CDH13: variants seen among roughly 807,000 people sequenced by gnomAD.
The protein encoded by CDH13 is cadherin-13.
In CDH13, 24 loss-of-function variants were observed where a neutral mutation model predicts 63.8. The observed-to-expected ratio is 0.38, with a 90% CI of 0.27 to 0.53. The LOEUF (loss-of-function observed/expected upper bound fraction) is 0.53, where lower values mean the gene tolerates loss of function less well. CDH13 is among the 20% of genes least tolerant of loss of function. The pLI is 0.85. For missense variants in CDH13, 1,049 were observed against 903.1 expected, an observed-to-expected ratio of 1.16 and a Z score of -2.07; for synonymous variants, 503 against 355.3, an observed-to-expected ratio of 1.42 and a Z score of -4.67.
At chr16:83,038,587 C>T (rs754327824) in intron 3 of CDH13, among the ~76,000 whole-genome samples, 27 of 152,280 alleles carry the variant, frequency 1.8e-4, no homozygotes, top group Admixed American at 3.3e-4. Flanking sequence ...TTTTCCCCAC[C>T]AAATCTGCTG....
At chr16:83,479,820 A>G (rs1164046245) in intron 6 of CDH13, among the ~76,000 whole-genome samples, 3 of 152,248 alleles carry the variant, frequency 2.0e-5, no homozygotes, top group Non-Finnish European at 4.4e-5. Flanking sequence ...AGATATTACA[A>G]TGGCTTGTGC....
chr16:82,750,138 T>C (rs1211896020), intron 1 of CDH13, among the ~76,000 whole-genome samples: 1 of 152,164 alleles, frequency 6.6e-6, no homozygotes, highest in African/African-American at 2.4e-5. Context: ...GGGGTGCTTT[T>C]GGAGGTTAAC....
At chr16:83,285,757 C>T (rs1438972732) in intron 5 of CDH13, among the ~76,000 whole-genome samples, 1 of 151,908 alleles carries the variant, frequency 6.6e-6, no homozygotes, top group Non-Finnish European at 1.5e-5. Context: ...TCTGCGGGTA[C>T]CAAGGGACAA....
At chr16:83,545,549 CCCAGCCT>C (rs1362644937) in intron 7 of CDH13, among the ~76,000 whole-genome samples, 1 of 152,126 alleles carries the variant, frequency 6.6e-6, no homozygotes, top group African/African-American at 2.4e-5. Context: ...CACAACCTGC[CCCAGCCT>C]CCAGTCCATT....
intron 7 of CDH13, among the ~76,000 whole-genome samples, chr16:83,554,591 G>A (rs907889716): frequency 6.6e-6 from 1 of 152,058 alleles, no homozygotes; most frequent in African/African-American, 2.4e-5. Context: ...GAAGAGGGGA[G>A]TCTCACACTT....
chr16:83,412,378 C>G (rs2092140821), intron 6 of CDH13, among the ~76,000 whole-genome samples: 1 of 152,160 alleles, frequency 6.6e-6, no homozygotes, highest in South Asian at 2.1e-4. Flanking sequence ...AGGAGAATCG[C>G]TTGAACCTAG....
Position 83,103,223 on chromosome 16 carries a change from G to A in CDH13, c.367-22162G>A, listed in dbSNP as rs186861740. 1.2e-4 allele frequency among the ~76,000 whole-genome samples: 18 copies of A among 144,404 alleles called. No individual in the cohort carries two copies. The East Asian group carries it at 3.7e-3, about 30-fold the overall frequency. The allele number at this position is 144,404 out of a possible 152,430, so 94.7% of individuals were successfully genotyped here. A position where few individuals can be genotyped will look rare whatever the true frequency, so the allele number is the denominator to read the frequency against. On this transcript the variant is annotated intron_variant, in intron 3 of 13. Transcript: ENST00000567109. Reference sequence around the variant, plus strand: ...CCACCTCAACCTCCCAAAGTACTGAGATTACAGGCGTTAACTGAACTTTTT... The same window carrying A: ...CCACCTCAACCTCCCAAAGTACTGAAATTACAGGCGTTAACTGAACTTTTT...
intron 7 of CDH13, among the ~76,000 whole-genome samples, chr16:83,526,633 T>A (rs1162046620): frequency 3.9e-5 from 6 of 152,200 alleles, no homozygotes; most frequent in African/African-American, 1.2e-4. Context: ...ACAGACTAGT[T>A]CTGGTCCGTG....
intron 1 of CDH13, among the ~76,000 whole-genome samples, chr16:82,648,268 A>T (rs1488918869): frequency 1.3e-5 from 2 of 152,240 alleles, no homozygotes; most frequent in African/African-American, 4.8e-5. Flanking sequence ...AGAGGTAAAT[A>T]CAGGAAAATA....
chr16:83,157,642 C>T (rs2037263254), intron 4 of CDH13, among the ~76,000 whole-genome samples: 1 of 151,650 alleles, frequency 6.6e-6, no homozygotes, highest in South Asian at 2.1e-4. Context: ...CACCTGTCAT[C>T]CCAGCGCTTT....
At chr16:83,684,646 A>G (rs1726326408) in intron 10 of CDH13, among the ~76,000 whole-genome samples, 1 of 152,228 alleles carries the variant, frequency 6.6e-6, no homozygotes, top group Non-Finnish European at 1.5e-5. Context: ...ATAGTAAACA[A>G]TTCCACAGCA....
intron 5 of CDH13, among the ~76,000 whole-genome samples, chr16:83,276,085 C>G (rs2088978516): frequency 6.6e-6 from 1 of 152,168 alleles, no homozygotes; most frequent in East Asian, 1.9e-4. Context: ...CATAGCACAT[C>G]AGGATTGAAC....
intron 2 of CDH13, among the ~76,000 whole-genome samples, chr16:82,921,812 T>A (rs1597217711): frequency 6.6e-6 from 1 of 152,180 alleles, no homozygotes; most frequent in Non-Finnish European, 1.5e-5. Flanking sequence ...GGAGAGTTTG[T>A]AAAATACTGG....
At chr16:83,442,748 C>T (rs572979971) in intron 6 of CDH13, among the ~76,000 whole-genome samples, 35 of 152,138 alleles carry the variant, frequency 2.3e-4, no homozygotes, top group Admixed American at 1.2e-3. Context: ...AGAATGTTAC[C>T]TTAATACTCT....
intron 1 of CDH13, among the ~76,000 whole-genome samples, chr16:82,664,837 A>T (rs1305305301): frequency 2.0e-5 from 3 of 152,200 alleles, no homozygotes; most frequent in Non-Finnish European, 4.4e-5. Flanking sequence ...TTTGATACAG[A>T]TATTGGTTAA....
intron 7 of CDH13, among the ~76,000 whole-genome samples, chr16:83,601,421 T>G (rs192719286): frequency 6.6e-6 from 1 of 152,170 alleles, no homozygotes; most frequent in Non-Finnish European, 1.5e-5. Flanking sequence ...AAAACACTTA[T>G]GTGAAGAGAG....
At chr16:83,071,187 A>T (rs2032410795) in intron 3 of CDH13, among the ~76,000 whole-genome samples, 1 of 152,168 alleles carries the variant, frequency 6.6e-6, no homozygotes, top group African/African-American at 2.4e-5. Context: ...CAGAGACCTG[A>T]TTATACATGA....
Position 83,798,073 on chromosome 16 carries a change from G to C in CDH13, c.*3043G>C, listed in dbSNP as rs994751557. On this transcript the variant is annotated 3_prime_UTR_variant, in exon 14 of 14. Coordinates refer to ENST00000567109, the MANE Select transcript of CDH13 (RefSeq NM_001257.5). ...AGATTTCATGGTAGGTATCAAATAA[G>C]ACTTTGGCTCTTAAAGAACATCGTT... is the stretch of plus-strand genomic sequence containing the variant. 2 of 152,190 alleles carry C rather than the reference G, an allele frequency of 1.3e-5. No homozygotes were observed. The highest frequency in any genetic ancestry group is 2.9e-5 in the Non-Finnish European group (2 of 68,034). The allele number at this position is 152,190 out of a possible 1,614,324, so 9.4% of individuals were successfully genotyped here. A position where few individuals can be genotyped will look rare whatever the true frequency, so the allele number is the denominator to read the frequency against.
chr16:82,972,074 A>G (rs1345555246), intron 2 of CDH13, among the ~76,000 whole-genome samples: 6 of 152,230 alleles, frequency 3.9e-5, no homozygotes. Flanking sequence ...GATTTTTATC[A>G]GAAGAGAGTC....
Sources: gnomAD v4.1 joint callset for allele counts (sites outside exome capture counted in the v4.1 genomes callset) on GRCh38, gnomAD v4.1.1 for gene constraint, MANE v1.5 for transcripts, NCBI Gene and HGNC (gene_info 2026-07-23, HGNC 2026-07-21) for gene names.